The following ATXN1 variants were observed in gnomAD, a reference collection of about 807,000 sequenced individuals.
ATXN1 encodes ataxin-1.
ATXN1 carries 8 observed loss-of-function variants against 56.4 expected under a neutral mutation model. That is an observed-to-expected ratio of 0.14 (90% CI 0.08 to 0.26). The LOEUF is 0.26. Ranked by LOEUF, ATXN1 falls within the 10% of genes least tolerant of loss-of-function variation. The pLI, the probability that ATXN1 is intolerant of heterozygous loss-of-function variation, is 1.00. For synonymous variants in ATXN1, 514 were observed against 494.6 expected (o/e 1.04, Z -0.52); for missense variants, 987 against 1,106.5 (o/e 0.89, Z 1.53).
chr6:16,569,330 C>G (rs1267907389), intron 4 of ATXN1, among the ~76,000 whole-genome samples: 1 of 151,996 alleles, frequency 6.6e-6, no homozygotes, highest in Non-Finnish European at 1.5e-5. Flanking sequence ...ACCAGCCTGA[C>G]CAACATGGTG....
At position 16,740,779 on chromosome 6, in the gene ATXN1, C is replaced by T. The variant is rs189699885; in HGVS notation, c.-615+12454G>A. Among the ~76,000 whole-genome samples, 398 of 152,246 alleles carry T rather than the reference C, an allele frequency of 2.6e-3. 3 individuals carry two copies. Among genetic ancestry groups the T allele is most frequent in the Admixed American group, 7.8e-3 (120 of 15,298 alleles). On this transcript the variant is annotated intron_variant, in intron 2 of 7. Transcript: ENST00000436367. ...AACTCCTAGCCTCAGGCGATCCCAC[C>T]GCCTTGGCCTCCCAAAGCACTGGGA... is the stretch of plus-strand genomic sequence containing the variant.
At chr6:16,552,126 T>A (rs1007814022) in intron 4 of ATXN1, among the ~76,000 whole-genome samples, 14 of 152,182 alleles carry the variant, frequency 9.2e-5, no homozygotes, top group African/African-American at 3.4e-4. Flanking sequence ...CCAGAATGGT[T>A]TTCTTGCCAC....
At chr6:16,702,835 G>A (rs1455945482) in intron 2 of ATXN1, among the ~76,000 whole-genome samples, 2 of 152,168 alleles carry the variant, frequency 1.3e-5, no homozygotes, top group Non-Finnish European at 2.9e-5. Context: ...GAAACAACAG[G>A]TGCTGGAGAG....
chr6:16,747,409 GA>G (rs1760570636), intron 2 of ATXN1, among the ~76,000 whole-genome samples: 1 of 152,084 alleles, frequency 6.6e-6, no homozygotes, highest in Non-Finnish European at 1.5e-5. Flanking sequence ...AATAAAGAGG[GA>G]ATTACCAAAG....
intron 4 of ATXN1, 24 bp from the exon 5 acceptor site, chr6:16,522,712 T>A (rs1425258779): frequency 2.0e-5 from 3 of 152,180 alleles, no homozygotes; most frequent in African/African-American, 2.4e-5. Context: ...AAAGATTTTT[T>A]AAAAAAATTA....
At chr6:16,650,417 G>A (rs1268870682) in intron 3 of ATXN1, among the ~76,000 whole-genome samples, 1 of 152,048 alleles carries the variant, frequency 6.6e-6, no homozygotes, top group African/African-American at 2.4e-5. Flanking sequence ...GCTACCAAAG[G>A]AGTATTAAAA....
At chr6:16,661,835 C>A (rs777293975) in intron 2 of ATXN1, among the ~76,000 whole-genome samples, 12 of 152,242 alleles carry the variant, frequency 7.9e-5, no homozygotes, top group Middle Eastern at 6.8e-3. Flanking sequence ...ATCCCTACCG[C>A]CCCCACCCTA....
At chr6:16,536,195 C>T (rs1309216313) in intron 4 of ATXN1, among the ~76,000 whole-genome samples, 4 of 151,738 alleles carry the variant, frequency 2.6e-5, no homozygotes, top group South Asian at 2.1e-4. Context: ...CCAACCTGGG[C>T]GACAGAGTGA....
At chr6:16,646,742 A>G (rs1233281346) in intron 3 of ATXN1, among the ~76,000 whole-genome samples, 1 of 152,168 alleles carries the variant, frequency 6.6e-6, no homozygotes, top group East Asian at 1.9e-4. Context: ...ACCACTCCCA[A>G]ATCAGACTAA....
At chr6:16,492,281 G>T (rs1039421545) in intron 5 of ATXN1, among the ~76,000 whole-genome samples, 4 of 150,938 alleles carry the variant, frequency 2.7e-5, no homozygotes, top group African/African-American at 7.3e-5. Flanking sequence ...TAGTGGGGTG[G>T]GGGGAGCGGG....
At chr6:16,333,795 A>G (rs1040747880) in intron 6 of ATXN1, among the ~76,000 whole-genome samples, 13 of 152,214 alleles carry the variant, frequency 8.5e-5, no homozygotes, top group African/African-American at 3.1e-4. Context: ...CTGACTCACC[A>G]ATCTCCTTCC....
chr6:16,316,865 CTTTTTTTTTTT>C (rs375359789), intron 7 of ATXN1, among the ~76,000 whole-genome samples: 14 of 99,496 alleles, frequency 1.4e-4, no homozygotes, highest in African/African-American at 4.1e-4. Flanking sequence ...GACTGCCTGT[CTTTTTTTTTTT>C]TTTTTTTTTT....
chr6:16,510,447 C>G (rs1454248358), intron 5 of ATXN1, among the ~76,000 whole-genome samples: 1 of 152,114 alleles, frequency 6.6e-6, no homozygotes, highest in South Asian at 2.1e-4. Flanking sequence ...TAATGCTTTA[C>G]CTATATAAAA....
intron 3 of ATXN1, among the ~76,000 whole-genome samples, chr6:16,602,455 CT>C (rs779197941): frequency 5.4e-3 from 750 of 139,320 alleles, no homozygotes; most frequent in Non-Finnish European, 5.3e-3. Flanking sequence ...AGCCAAAATT[CT>C]TTTTTTTTTT....
At chr6:16,676,541 G>A (rs748754290) in intron 2 of ATXN1, among the ~76,000 whole-genome samples, 2 of 152,138 alleles carry the variant, frequency 1.3e-5, no homozygotes, top group Non-Finnish European at 2.9e-5. Context: ...GGATACACAT[G>A]AGTAAAATAT....
chr6:16,749,849 A>C (rs1760656040), intron 2 of ATXN1: 1 of 152,252 alleles, frequency 6.6e-6, no homozygotes, highest in African/African-American at 2.4e-5. Flanking sequence ...GACTCCTCCA[A>C]ATTTATCTTC....
chr6:16,743,653 G>T (rs1264912506), intron 2 of ATXN1, among the ~76,000 whole-genome samples: 1 of 152,166 alleles, frequency 6.6e-6, no homozygotes, highest in Non-Finnish European at 1.5e-5. Context: ...GGAAGAATGG[G>T]GTGCTATGGG....
At chr6:16,416,822 C>A (rs1758919176) in intron 6 of ATXN1, among the ~76,000 whole-genome samples, 1 of 152,116 alleles carries the variant, frequency 6.6e-6, no homozygotes, top group Non-Finnish European at 1.5e-5. Flanking sequence ...CTCTAGTAGG[C>A]CTTTAGTTTC....
chr6:16,760,953 C>T lies in ATXN1; in HGVS notation c.-730+345G>A, dbSNP rs1761075264. Among the ~76,000 whole-genome samples the T allele has an allele frequency of 1.3e-5, 2 of 148,670 alleles. No homozygotes were observed. The highest frequency in any genetic ancestry group is 4.9e-5 in the African/African-American group (2 of 40,868). On this transcript the variant is annotated intron_variant, in intron 1 of 7. Transcript: ENST00000436367. The surrounding 1 kb of genome is among the most constrained non-coding windows in gnomAD (Gnocchi z 5.3). ...CCCCCCGCCCGGGCGCGCCCCCTAG[C>T]CCGGCGGGCGCCCACCCAGCCCCTG...
Sources: allele counts gnomAD v4.1 joint callset (sites outside exome capture counted in the v4.1 genomes callset), GRCh38; gene constraint gnomAD v4.1.1; non-coding constraint Gnocchi (gnomAD v3.1); transcripts MANE v1.5; gene names NCBI Gene and HGNC (gene_info 2026-07-23, HGNC 2026-07-21).